Variants in MAP4 observed in about 807,000 individuals in gnomAD.
MAP4 encodes microtubule associated protein 4, also known as microtubule-associated protein 4.
A neutral mutation model predicts 170.2 loss-of-function variants in MAP4; 76 were observed. The ratio of observed to expected loss-of-function variants is 0.45; its 90% CI spans 0.37 to 0.54. MAP4 has a LOEUF of 0.54. MAP4 is among the 20% of genes least tolerant of loss of function. The probability of loss-of-function intolerance (pLI) is 0.00; values close to 1 mark genes in which losing one functional copy is unlikely to be tolerated. For synonymous variants in MAP4, 909 were observed against 994.5 expected (o/e 0.91, Z 1.62); for missense variants, 2,506 against 2,748.0 (o/e 0.91, Z 1.97).
intron 2 of MAP4, among the ~76,000 whole-genome samples, chr3:47,978,738 T>C (rs1184992940): frequency 6.6e-6 from 1 of 151,954 alleles, no homozygotes; most frequent in Non-Finnish European, 1.5e-5. Flanking sequence ...ACTCCTTTTT[T>C]TTTTTCCCTC....
chr3:47,889,060 T>C (rs991940354), intron 10 of MAP4, among the ~76,000 whole-genome samples: 2 of 152,160 alleles, frequency 1.3e-5, no homozygotes, highest in Admixed American at 6.5e-5. Flanking sequence ...GCTCAAACCA[T>C]GGCAACTCAA....
intron 2 of MAP4, among the ~76,000 whole-genome samples, chr3:47,986,611 A>G (rs1243151064): frequency 6.6e-6 from 1 of 152,106 alleles, no homozygotes; most frequent in Non-Finnish European, 1.5e-5. Flanking sequence ...AAGTGCTGAG[A>G]TTACAGGCTT....
At chr3:47,902,890 A>C (rs1321396086) in intron 10 of MAP4, 60 bp downstream of exon 10, 2 of 785,422 alleles carry the variant, frequency 2.5e-6, no homozygotes, top group South Asian at 1.2e-4. Context: ...AGGGCCTTGA[A>C]ACTGTTAGAA....
At chr3:47,887,241 C>A (rs2097754214) in intron 10 of MAP4, among the ~76,000 whole-genome samples, 1 of 152,224 alleles carries the variant, frequency 6.6e-6, no homozygotes, top group Non-Finnish European at 1.5e-5. Context: ...CTGCGCGCAG[C>A]ACTTGCGGGT....
At chr3:47,919,153 G>A (rs1288221541) in intron 5 of MAP4, among the ~76,000 whole-genome samples, 1 of 151,828 alleles carries the variant, frequency 6.6e-6, no homozygotes, top group Non-Finnish European at 1.5e-5. Flanking sequence ...GGATAGTCTC[G>A]ATCTCCTGAC....
chr3:47,967,711 C>T (rs931640857), intron 3 of MAP4, among the ~76,000 whole-genome samples: 1 of 152,146 alleles, frequency 6.6e-6, no homozygotes, highest in Non-Finnish European at 1.5e-5. Flanking sequence ...CCTGTAATCC[C>T]AGTACTTTGG....
At chr3:48,045,299 C>CA (rs1491248700) in intron 1 of MAP4, among the ~76,000 whole-genome samples, 4 of 146,514 alleles carry the variant, frequency 2.7e-5, no homozygotes, top group Non-Finnish European at 6.0e-5. Flanking sequence ...ACATTAAAAA[C>CA]TCTGTCAGTT....
intron 5 of MAP4, among the ~76,000 whole-genome samples, chr3:47,919,169 G>A (rs778629388): frequency 3.9e-5 from 6 of 152,046 alleles, no homozygotes; most frequent in Non-Finnish European, 7.4e-5. Context: ...CTGACCTCTT[G>A]ATCCAACCGC....
chr3:47,871,876 T>A, intron 13 of MAP4, 41 bp downstream of exon 13: 1 of 1,560,670 alleles, frequency 6.4e-7, no homozygotes, highest in Non-Finnish European at 8.7e-7. Context: ...GATCCCATTT[T>A]CCCCTCCCTA....
chr3:48,058,222 C>T (rs1056683336), intron 1 of MAP4, among the ~76,000 whole-genome samples: 2 of 152,146 alleles, frequency 1.3e-5, no homozygotes, highest in Admixed American at 6.5e-5. Flanking sequence ...ATGACTCAGT[C>T]CTAGACTACA....
chr3:47,948,002 T>C (rs2100061234), intron 3 of MAP4, among the ~76,000 whole-genome samples: 1 of 151,440 alleles, frequency 6.6e-6, no homozygotes, highest in African/African-American at 2.4e-5. Flanking sequence ...ACCTATTCTT[T>C]CTTTTTTTTT....
intron 5 of MAP4, 81 bp from the exon 6 acceptor site, chr3:47,918,922 GT>G (rs1362440282): frequency 8.9e-6 from 11 of 1,238,602 alleles, no homozygotes; most frequent in Admixed American, 2.2e-5. Flanking sequence ...TTTTTGTTTT[GT>G]TTTGTTTTGT....
intron 3 of MAP4, among the ~76,000 whole-genome samples, chr3:47,965,508 C>T (rs1442148482): frequency 6.6e-6 from 1 of 152,200 alleles, no homozygotes; most frequent in African/African-American, 2.4e-5. Context: ...ATTTTACATT[C>T]CTATCAGCAG....
chr3:47,930,475 C>A (rs56123512), intron 3 of MAP4, among the ~76,000 whole-genome samples: 56,661 of 149,054 alleles, frequency 0.38, 11,934 homozygotes, highest in African/African-American at 0.58. Flanking sequence ...AACAAACAAA[C>A]AAAAAAAACA....
At chr3:47,931,221 C>T (rs1298406130) in intron 3 of MAP4, among the ~76,000 whole-genome samples, 1 of 147,628 alleles carries the variant, frequency 6.8e-6, no homozygotes, top group Non-Finnish European at 1.5e-5. Context: ...CAAAAACATA[C>T]AAAAAAAAAA....
chr3:48,075,488 C>T (rs2100143388), intron 1 of MAP4, among the ~76,000 whole-genome samples: 1 of 151,910 alleles, frequency 6.6e-6, no homozygotes, highest in Admixed American at 6.6e-5. Context: ...GATCACGCCA[C>T]TGCACTCCAG....
In MAP4 at chr3:47,855,924, AAAG is replaced by A. The variant is rs1211348624; in HGVS notation, c.6584-567_6584-565del. Among the ~76,000 whole-genome samples, 1 of 152,226 alleles carries A rather than the reference AAAG, an allele frequency of 6.6e-6. No homozygotes were observed. The highest frequency in any genetic ancestry group is 1.9e-4 in the East Asian group (1 of 5,182). ...CCTAAACCGTACCACACTCTAGCAAAAAGAAGGAATAATAAAAAGGACAGAGTG... is the reference window on the plus strand; with the variant it reads ...CCTAAACCGTACCACACTCTAGCAAAAAGGAATAATAAAAAGGACAGAGTG... On this transcript the variant is annotated intron_variant, in intron 18 of 20. Transcript: ENST00000683076. The surrounding 1 kb of genome is among the most constrained non-coding windows in gnomAD (Gnocchi z 5.1).
rs893213209 is a variant in MAP4, at chr3:47,914,741, T to G, written c.1999+76A>C. 6.4e-6 allele frequency: 10 copies of G among 1,556,604 alleles called. No individual in the cohort carries two copies. In the African/African-American group the frequency reaches 1.2e-4, roughly 19 times the overall value. On this transcript the variant is annotated intron_variant, in intron 8 of 20. Transcript: ENST00000683076. ...TGATTACCACCATACAACAGGGAAC[T>G]AGAGACAATGTCTACCATCACTACT...
At chr3:47,995,851 T>C (rs1015910865) in intron 2 of MAP4, among the ~76,000 whole-genome samples, 4 of 152,270 alleles carry the variant, frequency 2.6e-5, no homozygotes, top group African/African-American at 7.2e-5. Context: ...TATCAGAGCA[T>C]GTGCAGAAGA....
Sources: gnomAD v4.1 joint callset for allele counts (sites outside exome capture counted in the v4.1 genomes callset) on GRCh38, gnomAD v4.1.1 for gene constraint, Gnocchi (gnomAD v3.1) non-coding constraint, MANE v1.5 for transcripts, NCBI Gene and HGNC (gene_info 2026-07-23, HGNC 2026-07-21) for gene names.